Variants in ZNF487 observed in about 807,000 individuals in gnomAD.
ZNF487 encodes KRAB domain only 1.
ZNF487 carries 4 observed loss-of-function variants against 3.0 expected under a neutral mutation model. That is an observed-to-expected ratio of 1.35 (90% CI 0.66 to 3.08). The LOEUF is 3.08. Ranked by LOEUF, ZNF487 falls within the 30% of genes most tolerant of loss-of-function variation. The pLI, the probability that ZNF487 is intolerant of heterozygous loss-of-function variation, is 0.01. For missense variants in ZNF487, 146 were observed against 98.7 expected (o/e 1.48, Z -2.03); for synonymous variants, 55 against 34.6 (o/e 1.59, Z -2.06).
intron 3 of ZNF487, among the ~76,000 whole-genome samples, chr10:43,479,976 TTTCTTTCCTTCTTTCTTTC>T (rs1564428729): frequency 9.5e-4 from 42 of 44,020 alleles, no homozygotes; most frequent in Non-Finnish European, 1.5e-3. Flanking sequence ...CTTTCTTTTC[TTTCTTTCCTTCTTTCTTTC>T]TTTCTTTCTT....
chr10:43,455,166 G>A (rs1185944176), intron 1 of ZNF487, among the ~76,000 whole-genome samples: 1 of 151,670 alleles, frequency 6.6e-6, no homozygotes, highest in Non-Finnish European at 1.5e-5. Context: ...CCGCCACCAC[G>A]CCCGGCCAAT....
the ZNF487 span, among the ~76,000 whole-genome samples, chr10:43,494,435 C>T: frequency 6.6e-6 from 1 of 152,128 alleles, no homozygotes; most frequent in African/African-American, 2.4e-5. Flanking sequence ...CCTGCCGGTT[C>T]TTACACCTGA....
At chr10:43,459,768 T>TTATTA (rs1840353477) in intron 1 of ZNF487, among the ~76,000 whole-genome samples, 1 of 138,336 alleles carries the variant, frequency 7.2e-6, no homozygotes, top group East Asian at 2.1e-4. Context: ...AGGCTGTGAG[T>TTATTA]TTATTATTAT....
the ZNF487 span, among the ~76,000 whole-genome samples, chr10:43,502,572 C>A: frequency 1.3e-5 from 2 of 152,062 alleles, no homozygotes; most frequent in African/African-American, 4.8e-5. Context: ...CACGTTTGTG[C>A]TGGTGCTGTT....
At chr10:43,471,370 G>A (rs1450418520) in intron 1 of ZNF487, among the ~76,000 whole-genome samples, 1 of 152,218 alleles carries the variant, frequency 6.6e-6, no homozygotes, top group Non-Finnish European at 1.5e-5. Context: ...CCTAGAGGGA[G>A]TGTTACGGTG....
rs1229105874 is a variant in ZNF487, at chr10:43,467,577, G to A, written c.-93-8144G>A. 5.9e-5 allele frequency among the ~76,000 whole-genome samples: 9 copies of A among 152,118 alleles called. No homozygotes were observed. In the East Asian group the frequency reaches 1.6e-3, roughly 26 times the overall value. On this transcript the variant is annotated intron_variant, in intron 1 of 3. Transcript: ENST00000437590. ...CATGCCTGTAATCCCAGCACTTTGGGAGGCCGAGGCTGGTGGATCACCTCA... is the reference window on the plus strand; with the variant it reads ...CATGCCTGTAATCCCAGCACTTTGGAAGGCCGAGGCTGGTGGATCACCTCA...
At position 43,481,464 on chromosome 10, in the gene ZNF487, C is replaced by T. The variant is rs1564429730; in HGVS notation, c.166C>T (p.Gln56Ter). ...AGATGATGACCTGATGGAGAAGAGA[C>T]AGGAAAATCAAGACCAGCATTTGCA... is the stretch of plus-strand genomic sequence containing the variant. ...CIDDDLMEKRQENQDQHLQKV... is the reference protein window; with the variant it reads ...CIDDDLMEKR Residue 56 changes from glutamine to a stop codon, truncating the protein, a stop_gained, in exon 4 of 4, where the codon CAG (glutamine) becomes TAG (stop). Coordinates refer to ENST00000437590, the MANE Select transcript of ZNF487 (RefSeq NM_001355444.3). LOFTEE classifies it low-confidence loss of function (END_TRUNC). The T allele has an allele frequency of 1.3e-5, 9 of 716,738 alleles. No homozygotes were observed. Among genetic ancestry groups the T allele is most frequent in the Non-Finnish European group, 2.1e-5 (8 of 384,974 alleles). The allele number at this position is 716,738 out of a possible 1,614,324, so 44.4% of individuals were successfully genotyped here.
intron 1 of ZNF487, among the ~76,000 whole-genome samples, chr10:43,463,392 G>T (rs1840506174): frequency 1.3e-5 from 2 of 151,846 alleles, no homozygotes; most frequent in Admixed American, 1.3e-4. Context: ...ATAAAAATTA[G>T]CCAGGCGTGG....
chr10:43,443,824 G>C (rs1340941564), intron 1 of ZNF487, among the ~76,000 whole-genome samples: 1 of 151,448 alleles, frequency 6.6e-6, no homozygotes, highest in African/African-American at 2.4e-5. Flanking sequence ...GCACCTAGTG[G>C]AGGAGTTGTC....
intron 1 of ZNF487, 129 bp from the exon 2 acceptor site, chr10:43,475,592 A>C (rs1315553714): frequency 7.5e-6 from 5 of 670,686 alleles, no homozygotes; most frequent in Non-Finnish European, 2.8e-6. Flanking sequence ...TAATATCAAT[A>C]GTAGGCATCC....
the ZNF487 span, among the ~76,000 whole-genome samples, chr10:43,489,232 C>T: frequency 6.6e-6 from 1 of 152,174 alleles, no homozygotes; most frequent in African/African-American, 2.4e-5. Flanking sequence ...AGGAGGATTG[C>T]TTGAGGCCAG....
At chr10:43,485,104 C>T (rs1841461272), downstream of ZNF487, among the ~76,000 whole-genome samples, 4 of 152,176 alleles carry the variant, frequency 2.6e-5, no homozygotes, top group South Asian at 8.3e-4. Flanking sequence ...ATTCTTACCT[C>T]CTCTTTCCCA....
intron 1 of ZNF487, among the ~76,000 whole-genome samples, chr10:43,450,448 G>T (rs913232870): frequency 6.6e-6 from 1 of 152,144 alleles, no homozygotes; most frequent in African/African-American, 2.4e-5. Flanking sequence ...TGCATCCTGG[G>T]TTCAAGTGAT....
Position 43,475,837 on chromosome 10 carries a change from C to G in ZNF487, c.24C>G (p.Leu8=), listed in dbSNP as rs767998256. 4 of 777,972 alleles carry G rather than the reference C, an allele frequency of 5.1e-6. No homozygotes were observed. The allele number at this position is 777,972 out of a possible 1,614,324, so 48.2% of individuals were successfully genotyped here. The change falls in exon 2 of 4, where the codon CTC becomes CTG. Residue 8 remains leucine, a synonymous_variant. Transcript: ENST00000437590. MLENYSL[L]LSVGYCITKP... is the part of the protein sequence containing the mutation. ...TGATGCTGGAGAACTACAGCCTCCT[C>G]CTCTCAGTGGGTAAGGATTATGTAA...
intron 1 of ZNF487, among the ~76,000 whole-genome samples, chr10:43,439,356 C>T (rs941376656): frequency 1.6e-4 from 25 of 152,008 alleles, no homozygotes; most frequent in Admixed American, 1.4e-3. Flanking sequence ...GCCATGATTG[C>T]ACTGCTGTAC....
At chr10:43,478,342 GT>G in intron 3 of ZNF487, among the ~76,000 whole-genome samples, 1 of 152,104 alleles carries the variant, frequency 6.6e-6, no homozygotes, top group Non-Finnish European at 1.5e-5. Context: ...ATCACCTGAG[GT>G]TGAGAGTTCG....
intron 1 of ZNF487, among the ~76,000 whole-genome samples, chr10:43,469,270 C>T (rs150058992): frequency 0.011 from 1,637 of 152,100 alleles, 37 homozygotes; most frequent in African/African-American, 0.037. Context: ...GACCTTGGCT[C>T]ACTGTGACCT....
chr10:43,469,501 T>A (rs946559707), intron 1 of ZNF487, among the ~76,000 whole-genome samples: 1 of 152,096 alleles, frequency 6.6e-6, no homozygotes, highest in African/African-American at 2.4e-5. Flanking sequence ...CCATCATTTA[T>A]TTATTTATTT....
chr10:43,483,610 C>G (rs1049348981), downstream of ZNF487, among the ~76,000 whole-genome samples: 6 of 151,956 alleles, frequency 3.9e-5, no homozygotes, highest in African/African-American at 1.5e-4. Flanking sequence ...TCACTGCAAC[C>G]TCCTCCTCCC....
Sources: gnomAD v4.1 joint callset for allele counts (sites outside exome capture counted in the v4.1 genomes callset) on GRCh38, gnomAD v4.1.1 for gene constraint, MANE v1.5 for transcripts, NCBI Gene and HGNC (gene_info 2026-07-23, HGNC 2026-07-21) for gene names.